Variants in ZDHHC13 observed in about 807,000 individuals in gnomAD.
ZDHHC13 encodes zDHHC palmitoyltransferase 13, also known as palmitoyltransferase ZDHHC13.
In ZDHHC13, 85 loss-of-function variants were observed where a neutral mutation model predicts 86.0. That is an observed-to-expected ratio of 0.99 (90% CI 0.83 to 1.18). ZDHHC13 has a LOEUF of 1.18. Among genes scored for constraint, ZDHHC13 ranks in the 50% most tolerant of loss-of-function variants. The pLI, the probability that ZDHHC13 is intolerant of heterozygous loss-of-function variation, is 0.00. For synonymous variants in ZDHHC13, 263 were observed against 246.4 expected (o/e 1.07, Z -0.63); for missense variants, 711 against 730.2 (o/e 0.97, Z 0.30).
At chr11:19,119,919 T>TCA (rs1565016152) in intron 1 of ZDHHC13, among the ~76,000 whole-genome samples, 1 of 152,190 alleles carries the variant, frequency 6.6e-6, no homozygotes, top group Admixed American at 6.5e-5. Context: ...CATATTTCTC[T>TCA]CTCACTCGCT....
At chr11:19,155,472 T>G (rs375798876) in intron 8 of ZDHHC13, among the ~76,000 whole-genome samples, 2 of 151,444 alleles carry the variant, frequency 1.3e-5, no homozygotes, top group Non-Finnish European at 2.9e-5. Context: ...TCCCAGCTAC[T>G]TGGGAGGCTG....
At chr11:19,135,348 T>C (rs1335631114) in intron 1 of ZDHHC13, among the ~76,000 whole-genome samples, 1 of 152,210 alleles carries the variant, frequency 6.6e-6, no homozygotes, top group African/African-American at 2.4e-5. Context: ...CCCACCCGAA[T>C]ACTGCGCTTT....
chr11:19,133,942 T>TATATATATATATATATATATATAC lies in ZDHHC13; in HGVS notation c.28-9035_28-9034insTATATATATATATATATATATACA. Among the ~76,000 whole-genome samples, 889 of 95,510 alleles carry TATATATATATATATATATATATAC rather than the reference T, an allele frequency of 9.3e-3. 38 individuals are homozygous for TATATATATATATATATATATATAC. Among genetic ancestry groups the TATATATATATATATATATATATAC allele is most frequent in the African/African-American group, 0.028 (805 of 29,102 alleles). 62.7% of individuals were successfully genotyped at this position (95,510 alleles called of 152,430 possible). A position where few individuals can be genotyped will look rare whatever the true frequency, so the allele number is the denominator to read the frequency against. ...GTCCATATATATATATATATATATA[T>TATATATATATATATATATATATAC]ACACGTATGTGTTTTATATACTTCA... On this transcript the variant is annotated intron_variant, in intron 1 of 16. Coordinates refer to ENST00000446113, the MANE Select transcript of ZDHHC13 (RefSeq NM_019028.3).
chr11:19,162,913 ATC>A (rs1360661982), intron 10 of ZDHHC13, among the ~76,000 whole-genome samples: 2 of 152,106 alleles, frequency 1.3e-5, no homozygotes, highest in Non-Finnish European at 1.5e-5. Context: ...TTTATTTGGA[ATC>A]TCTGAATCAA....
intron 9 of ZDHHC13, among the ~76,000 whole-genome samples, chr11:19,158,357 G>T (rs186600560): frequency 6.6e-6 from 1 of 152,030 alleles, no homozygotes; most frequent in African/African-American, 2.4e-5. Context: ...ACCTCAAATC[G>T]CCTGTGACCC....
chr11:19,135,512 G>A (rs1311413416), intron 1 of ZDHHC13, among the ~76,000 whole-genome samples: 1 of 152,246 alleles, frequency 6.6e-6, no homozygotes, highest in Non-Finnish European at 1.5e-5. Flanking sequence ...GCCCGCCATT[G>A]CCCAGGCTTG....
intron 14 of ZDHHC13, chr11:19,169,104 T>C (rs1850149312): frequency 2.0e-6 from 2 of 985,368 alleles, no homozygotes; most frequent in Non-Finnish European, 2.4e-6. Context: ...ACCAGTATTC[T>C]GAAAACTTCA....
At chr11:19,171,059 G>A (rs980788846) in intron 15 of ZDHHC13, among the ~76,000 whole-genome samples, 7 of 152,182 alleles carry the variant, frequency 4.6e-5, no homozygotes, top group Non-Finnish European at 8.8e-5. Flanking sequence ...AGTTTTTCCA[G>A]CGCTGTTTGT....
At chr11:19,142,106 T>C (rs1439232530) in intron 1 of ZDHHC13, among the ~76,000 whole-genome samples, 3 of 152,184 alleles carry the variant, frequency 2.0e-5, no homozygotes, top group Admixed American at 2.0e-4. Context: ...GATCCTCTGC[T>C]AAGGGTCTCT....
intron 1 of ZDHHC13, among the ~76,000 whole-genome samples, chr11:19,130,687 C>T (rs1409442137): frequency 6.6e-6 from 1 of 152,078 alleles, no homozygotes; most frequent in Non-Finnish European, 1.5e-5. Context: ...GCATTTAAAG[C>T]TACAAATTCC....
At chr11:19,172,655 C>A in intron 15 of ZDHHC13, 68 bp from the exon 16 acceptor site, 1 of 1,277,306 alleles carries the variant, frequency 7.8e-7, no homozygotes, top group Non-Finnish European at 1.1e-6. Context: ...TGATACTGAT[C>A]TTATATTGTT....
intron 1 of ZDHHC13, among the ~76,000 whole-genome samples, chr11:19,124,574 C>T (rs772348164): frequency 6.6e-6 from 1 of 151,878 alleles, no homozygotes; most frequent in East Asian, 1.9e-4. Context: ...TTTTGTTATA[C>T]CTGTTACTTA....
chr11:19,154,996 C>T (rs1026533339), intron 8 of ZDHHC13, among the ~76,000 whole-genome samples: 1 of 152,156 alleles, frequency 6.6e-6, no homozygotes, highest in African/African-American at 2.4e-5. Flanking sequence ...CCTAGATGTC[C>T]ATAGGCATTT....
chr11:19,141,256 A>G (rs893646715), intron 1 of ZDHHC13, among the ~76,000 whole-genome samples: 2 of 152,124 alleles, frequency 1.3e-5, no homozygotes, highest in African/African-American at 4.8e-5. Context: ...TGAGTAGTCA[A>G]AGATATCACT....
At chr11:19,118,815 G>A (rs1489135944) in intron 1 of ZDHHC13, 1 of 152,316 alleles carries the variant, frequency 6.6e-6, no homozygotes, top group African/African-American at 2.4e-5. Flanking sequence ...CTGAGGTGGG[G>A]AGAAATGATT....
chr11:19,120,336 T>C (rs929630328), intron 1 of ZDHHC13, among the ~76,000 whole-genome samples: 4 of 152,100 alleles, frequency 2.6e-5, no homozygotes, highest in Non-Finnish European at 5.9e-5. Flanking sequence ...CCAGTATCTA[T>C]GAGTGTCTTC....
chr11:19,145,102 C>T (rs544351470), intron 2 of ZDHHC13, among the ~76,000 whole-genome samples: 1 of 151,474 alleles, frequency 6.6e-6, no homozygotes, highest in East Asian at 1.9e-4. Context: ...AAGCAAGACT[C>T]CATCTCAAAA....
chr11:19,156,173 C>T (rs966435098), intron 9 of ZDHHC13, among the ~76,000 whole-genome samples: 4 of 152,060 alleles, frequency 2.6e-5, no homozygotes, highest in East Asian at 1.9e-4. Context: ...TCCTGGGTCA[C>T]GTTTTAATTG....
intron 4 of ZDHHC13, 78 bp downstream of exon 4, chr11:19,147,751 A>T: frequency 4.0e-5 from 31 of 765,924 alleles, no homozygotes; most frequent in Non-Finnish European, 5.6e-5. Flanking sequence ...GTTATAGACG[A>T]TTTGAAAGGC....
Sources: gnomAD v4.1 joint callset for allele counts (sites outside exome capture counted in the v4.1 genomes callset) on GRCh38, gnomAD v4.1.1 for gene constraint, MANE v1.5 for transcripts, NCBI Gene and HGNC (gene_info 2026-07-23, HGNC 2026-07-21) for gene names.